Variants in PSD2 observed in about 807,000 individuals in gnomAD.
PSD2 encodes the protein PH and SEC7 domain-containing protein 2.
PSD2 carries 38 observed loss-of-function variants against 69.8 expected under a neutral mutation model. That is an observed-to-expected ratio of 0.54 (90% CI 0.42 to 0.71). The LOEUF is 0.71. PSD2 is among the 30% of genes least tolerant of loss of function. The pLI, the probability that PSD2 is intolerant of heterozygous loss-of-function variation, is 0.00. For synonymous variants in PSD2, 412 were observed against 423.0 expected, an observed-to-expected ratio of 0.97 and a Z score of 0.32; for missense variants, 943 against 1,014.5, an observed-to-expected ratio of 0.93 and a Z score of 0.96.
chr5:139,788,453 C>A, the PSD2 span, among the ~76,000 whole-genome samples: 2 of 152,236 alleles, frequency 1.3e-5, no homozygotes, highest in Admixed American at 6.5e-5. Context: ...ACGGACTGGC[C>A]ACTCTAATTC....
the PSD2 span, among the ~76,000 whole-genome samples, chr5:139,789,435 G>C: frequency 4.6e-5 from 7 of 152,298 alleles, no homozygotes; most frequent in East Asian, 1.4e-3. Context: ...GTTTGTTTGT[G>C]TGTTTCGAAG....
chr5:139,787,532 T>C, the PSD2 span, among the ~76,000 whole-genome samples: 16 of 152,344 alleles, frequency 1.1e-4, no homozygotes, highest in Middle Eastern at 0.01. Context: ...CAGAACACTC[T>C]CAGCAGCAGT....
In PSD2 at chr5:139,811,942, G is replaced by A. The variant is rs560109545; in HGVS notation, c.372-1367G>A. Among the ~76,000 whole-genome samples, 13 of 152,098 alleles carry A rather than the reference G, an allele frequency of 8.5e-5. No homozygotes were observed. The South Asian group carries it at 1.2e-3, about 15-fold the overall frequency. ...CACTTTCTGTCTCTGTTGTCCTCTC[G>A]TATCCCTTTCCTCTGTCTCTTTCTT... is the stretch of plus-strand genomic sequence containing the variant. On this transcript the variant is annotated intron_variant, in intron 2 of 14. Transcript: ENST00000274710.
chr5:139,844,176 A>G lies in PSD2; in HGVS notation c.*1702A>G, dbSNP rs1760943794. ...TCTGTACTTTCCCCATGCTGCCTCAAAAGTTCTGTGAGTTTCGGGGTCAGT... is the reference window on the plus strand; with the variant it reads ...TCTGTACTTTCCCCATGCTGCCTCAGAAGTTCTGTGAGTTTCGGGGTCAGT... On this transcript the variant is annotated 3_prime_UTR_variant, in exon 15 of 15. Transcript: ENST00000274710. 1 of 152,208 alleles carries G rather than the reference A, an allele frequency of 6.6e-6. No homozygotes were observed. The highest frequency in any genetic ancestry group is 2.1e-4 in the South Asian group (1 of 4,826). 9.4% of individuals were successfully genotyped at this position (152,208 alleles called of 1,614,324 possible).
intron 1 of PSD2, among the ~76,000 whole-genome samples, chr5:139,809,158 A>C (rs893021703): frequency 1.3e-5 from 2 of 152,168 alleles, no homozygotes; most frequent in Admixed American, 1.3e-4. Context: ...AAGGGCAGGG[A>C]CTGGGGCATA....
the PSD2 span, among the ~76,000 whole-genome samples, chr5:139,764,131 C>G: frequency 6.6e-6 from 1 of 152,212 alleles, no homozygotes; most frequent in African/African-American, 2.4e-5. Context: ...GCTGAGCACA[C>G]AGTCAGCGGG....
At chr5:139,766,833 T>TCTCTTTCTC in the PSD2 span, among the ~76,000 whole-genome samples, 2 of 46,396 alleles carry the variant, frequency 4.3e-5, no homozygotes, top group African/African-American at 8.4e-5. Flanking sequence ...CCTTCCTTCT[T>TCTCTTTCTC]TCTTTCTTTC....
the PSD2 span, among the ~76,000 whole-genome samples, chr5:139,778,023 T>A: frequency 1.1e-4 from 16 of 152,360 alleles, no homozygotes; most frequent in Middle Eastern, 0.01. Flanking sequence ...CAGGCCCCCA[T>A]GGGCAGGGCC....
intron 1 of PSD2, among the ~76,000 whole-genome samples, chr5:139,800,963 G>A (rs577767827): frequency 1.3e-5 from 2 of 152,198 alleles, no homozygotes; most frequent in Admixed American, 6.5e-5. Flanking sequence ...CCATCACTTT[G>A]GGAGGCTGAG....
At chr5:139,829,910 A>G (rs949101973) in intron 7 of PSD2, among the ~76,000 whole-genome samples, 11 of 151,746 alleles carry the variant, frequency 7.2e-5, no homozygotes, top group South Asian at 2.1e-4. Flanking sequence ...GAAGTGCCCA[A>G]CTGTTTTCCA....
At chr5:139,836,720 G>A (rs1760727711) in intron 9 of PSD2, 91 bp from the exon 10 acceptor site, 1 of 1,146,466 alleles carries the variant, frequency 8.7e-7, no homozygotes, top group South Asian at 1.4e-5. Context: ...CATGACCCTG[G>A]CTCCTGGAGA....
Position 139,833,693 on chromosome 5 carries a change from C to G in PSD2, c.1270-9C>G. On this transcript the variant is annotated splice_polypyrimidine_tract_variant and intron_variant, in intron 7 of 14. Transcript: ENST00000274710. ...CCTACTCTTAGGCAGAACCATTTCT[C>G]CATTACAGAACATTGGCAAAAAGAT... The G allele has an allele frequency of 6.2e-7, 1 of 1,608,008 alleles. No individual in the cohort carries two copies.
chr5:139,781,549 G>A, the PSD2 span, among the ~76,000 whole-genome samples: 2 of 151,868 alleles, frequency 1.3e-5, no homozygotes, highest in African/African-American at 2.4e-5. Flanking sequence ...GTTAGCCAGA[G>A]TGGTCTTGAT....
Position 139,842,410 on chromosome 5 carries a change from C to T in PSD2, c.2252C>T (p.Ala751Val), listed in dbSNP as rs1432618948. The T allele has an allele frequency of 1.2e-6, 2 of 1,614,164 alleles. No homozygotes were observed. The highest frequency in any genetic ancestry group is 1.7e-6 in the Non-Finnish European group (2 of 1,179,996). ...PSLRKTHSSP[A>V]LSQGHVTGSK... ...CTCCGGAAGACACATTCAAGCCCTG[C>T]CCTCAGCCAGGGCCATGTGACTGGC... Residue 751 changes from alanine to valine, a missense_variant, in exon 15 of 15, where the codon GCC (alanine) becomes GTC (valine). By Grantham distance (64) the Ala-to-Val change is moderately conservative. Coordinates refer to ENST00000274710, the MANE Select transcript of PSD2 (RefSeq NM_032289.4).
At position 139,836,858 on chromosome 5, in the gene PSD2, A is replaced by G; in HGVS notation, c.1451A>G (p.Lys484Arg). The change falls in exon 10 of 15, where the codon AAG (lysine) becomes AGG (arginine). Residue 484 changes from lysine to arginine, a missense_variant. This residue lies in a region of PSD2 where 312 missense variants were observed against 400.7 expected (regional missense o/e 0.78). Transcript: ENST00000274710. The stretch of plus-strand genomic sequence containing the variant: ...TCCCTGTCTGAGCTGGTGGATGACA[A>G]GTTCGGGACAGGCACGAAGAAGGTG... ...RKSLSELVDD[K>R]FGTGTKKVTR... 1 of 1,614,164 alleles carries G rather than the reference A, an allele frequency of 6.2e-7. No individual in the cohort carries two copies. The highest frequency in any genetic ancestry group is 1.1e-5 in the South Asian group (1 of 91,070).
chr5:139,825,386 T>G (rs1226222144), intron 7 of PSD2, among the ~76,000 whole-genome samples: 1 of 152,238 alleles, frequency 6.6e-6, no homozygotes, highest in Non-Finnish European at 1.5e-5. Context: ...TTTGAACACC[T>G]GTTTTCAGTT....
At chr5:139,827,579 A>G (rs556328060) in intron 7 of PSD2, among the ~76,000 whole-genome samples, 60 of 152,316 alleles carry the variant, frequency 3.9e-4, no homozygotes, top group African/African-American at 1.4e-3. Context: ...GTATTAGTCC[A>G]TTTTCACATT....
chr5:139,814,343 T>C lies in PSD2; in HGVS notation c.995T>C (p.Val332Ala). The change falls in exon 4 of 15, where the codon GTG becomes GCG. Residue 332 changes from valine to alanine, a missense_variant. By Grantham distance (64) the Val-to-Ala change is moderately conservative. Around this residue, in one of 3 missense-constraint regions of PSD2, gnomAD observed 466 missense variants for 445.0 expected, o/e 1.05. Coordinates refer to ENST00000274710, the MANE Select transcript of PSD2 (RefSeq NM_032289.4). This position sits in a 1 kb window ranked among gnomAD's most constrained non-coding sequence, Gnocchi z 4.4. ...CTCGAGGGCTTCCAGCGCTGTGATG[T>C]GGCCCGGCAGCTGGGCAAGAAGTGA... ...YHLEGFQRCD[V>A]ARQLGKNNEF... 3 of 1,603,806 alleles carry C rather than the reference T, an allele frequency of 1.9e-6. No individual in the cohort carries two copies. Among genetic ancestry groups the C allele is most frequent in the Non-Finnish European group, 2.6e-6 (3 of 1,175,498 alleles).
At chr5:139,766,149 G>A in the PSD2 span, among the ~76,000 whole-genome samples, 64 of 152,224 alleles carry the variant, frequency 4.2e-4, no homozygotes, top group African/African-American at 1.5e-3. Context: ...GGGGTGGATC[G>A]CTGAGTCCAC....
Sources: gnomAD v4.1 joint callset for allele counts (sites outside exome capture counted in the v4.1 genomes callset) on GRCh38, gnomAD v4.1.1 for gene constraint, gnomAD v4.1.1 regional missense constraint, Gnocchi (gnomAD v3.1) non-coding constraint, MANE v1.5 for transcripts, NCBI Gene and HGNC (gene_info 2026-07-23, HGNC 2026-07-21) for gene names.